Variants in CCR3 observed in about 807,000 individuals in gnomAD.
CCR3 encodes the protein C-C motif chemokine receptor 3.
For missense variants in CCR3, 419 were observed against 437.5 expected (o/e 0.96, Z 0.38); for synonymous variants, 203 against 179.2 (o/e 1.13, Z -1.06).
chr3:46,226,382 A>G (rs575433645), intron 2 of CCR3, among the ~76,000 whole-genome samples: 1 of 152,314 alleles, frequency 6.6e-6, no homozygotes, highest in East Asian at 1.9e-4. Context: ...AGTTTTCAGC[A>G]TGCAAGTCAT....
At chr3:46,243,890 A>C (rs1279936410) in intron 1 of CCR3, among the ~76,000 whole-genome samples, 1 of 152,228 alleles carries the variant, frequency 6.6e-6, no homozygotes, top group Non-Finnish European at 1.5e-5. Context: ...TCAGTAATGA[A>C]ATAAATGTTA....
intron 1 of CCR3, among the ~76,000 whole-genome samples, chr3:46,249,424 C>T (rs1700262577): frequency 1.3e-5 from 2 of 152,112 alleles, no homozygotes; most frequent in Non-Finnish European, 2.9e-5. Context: ...GCAAGGGAAA[C>T]AGGCTCTTGA....
chr3:46,262,813 C>A (rs1359420021), intron 1 of CCR3, among the ~76,000 whole-genome samples: 1 of 152,146 alleles, frequency 6.6e-6, no homozygotes, highest in East Asian at 1.9e-4. Flanking sequence ...CGCCACCATG[C>A]CTGGCTAATT....
At chr3:46,233,274 A>G (rs4683189) in intron 2 of CCR3, among the ~76,000 whole-genome samples, 86,384 of 152,078 alleles carry the variant, frequency 0.57, 24,665 homozygotes, top group Admixed American at 0.63. Context: ...GAAAAGTGAC[A>G]GTAAACACAA....
intron 1 of CCR3, among the ~76,000 whole-genome samples, chr3:46,250,843 G>A (rs1287288678): frequency 6.6e-6 from 1 of 151,766 alleles, no homozygotes; most frequent in South Asian, 2.1e-4. Flanking sequence ...GCGGGAAGGG[G>A]GGTTGGGGCA....
intron 1 of CCR3, among the ~76,000 whole-genome samples, chr3:46,261,748 C>T (rs945868593): frequency 4.6e-5 from 7 of 152,132 alleles, no homozygotes; most frequent in African/African-American, 7.2e-5. Context: ...CTTGAGAGTT[C>T]CTCGGTTTGT....
chr3:46,226,013 T>C (rs1699890637), intron 2 of CCR3, among the ~76,000 whole-genome samples: 1 of 152,184 alleles, frequency 6.6e-6, no homozygotes, highest in African/African-American at 2.4e-5. Flanking sequence ...TAGTTCTGAG[T>C]TCTCTATTTG....
At chr3:46,220,020 T>C in intron 2 of CCR3, among the ~76,000 whole-genome samples, 1 of 152,192 alleles carries the variant, frequency 6.6e-6, no homozygotes. Flanking sequence ...AGCTTCTGCA[T>C]AGCAAAAGTA....
intron 2 of CCR3, among the ~76,000 whole-genome samples, chr3:46,230,909 C>T (rs778906259): frequency 6.6e-6 from 1 of 151,960 alleles, no homozygotes; most frequent in South Asian, 2.1e-4. Context: ...GATTTTGATC[C>T]GTTTTTTGTT....
chr3:46,244,091 T>C lies in CCR3; in HGVS notation c.-12+1553T>C, dbSNP rs116789267. The stretch of plus-strand genomic sequence containing the variant: ...AAATGCATCAAGAGACTTCGAAATA[T>C]AATTCAATGTAGAAATTGTGATTTG... On this transcript the variant is annotated intron_variant, in intron 1 of 1. Coordinates refer to ENST00000395940, the MANE Select transcript of CCR3 (RefSeq NM_178329.3). 1.4e-3 allele frequency among the ~76,000 whole-genome samples: 213 copies of C among 152,334 alleles called. 1 individual carries two copies. The highest frequency in any genetic ancestry group is 4.8e-3 in the African/African-American group (200 of 41,576).
intron 1 of CCR3, among the ~76,000 whole-genome samples, chr3:46,254,280 G>A (rs375283626): frequency 6.6e-6 from 1 of 152,120 alleles, no homozygotes; most frequent in African/African-American, 2.4e-5. Flanking sequence ...ATTGAGAAAG[G>A]GGAGAATAAA....
chr3:46,213,894 C>G (rs1699744812), intron 2 of CCR3, among the ~76,000 whole-genome samples: 1 of 152,150 alleles, frequency 6.6e-6, no homozygotes, highest in Non-Finnish European at 1.5e-5. Flanking sequence ...AATCCATGAG[C>G]CATCATTACA....
Position 46,266,092 on chromosome 3 carries a change from C to A in CCR3, c.934C>A (p.Leu312Met). ...TGTTGGAGAGAGGTTCCGGAAGTACCTGCGCCACTTCTTCCACAGGCACTT... is the reference window on the plus strand; with the variant it reads ...TGTTGGAGAGAGGTTCCGGAAGTACATGCGCCACTTCTTCCACAGGCACTT... ...AFVGERFRKY[L>M]RHFFHRHLLM... Residue 312 changes from leucine to methionine, a missense_variant, in exon 2 of 2, where the codon CTG becomes ATG. Physicochemically the swap from Leu to Met is conservative, Grantham distance 15. Transcript: ENST00000395940. 1 of 1,614,012 alleles carries A rather than the reference C, an allele frequency of 6.2e-7. No individual in the cohort carries two copies. Among genetic ancestry groups the A allele is most frequent in the Non-Finnish European group, 8.5e-7 (1 of 1,179,980 alleles).
intron 2 of CCR3, among the ~76,000 whole-genome samples, chr3:46,219,103 T>A (rs965792290): frequency 1.2e-4 from 19 of 152,292 alleles, no homozygotes; most frequent in Middle Eastern, 6.8e-3. Flanking sequence ...AAAAAGCTCC[T>A]AGATCTGATA....
chr3:46,265,696 G>A lies in CCR3; in HGVS notation c.538G>A (p.Glu180Lys), dbSNP rs267599842. ...IFYETEELFEETLCSALYPED... is the reference protein window; with the variant it reads ...IFYETEELFEKTLCSALYPED... ...CTATGAGACTGAAGAGTTGTTTGAAGAGACTCTTTGCAGTGCTCTTTACCC... is the reference window on the plus strand; with the variant it reads ...CTATGAGACTGAAGAGTTGTTTGAAAAGACTCTTTGCAGTGCTCTTTACCC... The change falls in exon 2 of 2, where the codon GAG becomes AAG. Residue 180 changes from glutamate to lysine, a missense_variant. By Grantham distance (56) the Glu-to-Lys change is moderately conservative. Coordinates refer to ENST00000395940, the MANE Select transcript of CCR3 (RefSeq NM_178329.3). 2 of 1,614,062 alleles carry A rather than the reference G, an allele frequency of 1.2e-6. No homozygotes were observed. Among genetic ancestry groups the A allele is most frequent in the Non-Finnish European group, 1.7e-6 (2 of 1,179,994 alleles).
At chr3:46,215,045 G>A (rs946396460) in intron 2 of CCR3, among the ~76,000 whole-genome samples, 7 of 152,110 alleles carry the variant, frequency 4.6e-5, no homozygotes, top group Admixed American at 1.3e-4. Context: ...TCGCAAGAAT[G>A]GGGCAGTGGC....
chr3:46,253,060 A>G (rs1700348209), intron 1 of CCR3, among the ~76,000 whole-genome samples: 1 of 152,002 alleles, frequency 6.6e-6, no homozygotes, highest in African/African-American at 2.4e-5. Context: ...CTCTGATTTA[A>G]TTGTTCAGGG....
At chr3:46,242,411 C>A (rs184254690), upstream of CCR3, 1 of 152,158 alleles carries the variant, frequency 6.6e-6, no homozygotes, top group Non-Finnish European at 1.5e-5. Flanking sequence ...GGAGTGGTGA[C>A]GCCTAAGCTA....
At chr3:46,254,941 T>C (rs1396877356) in intron 1 of CCR3, among the ~76,000 whole-genome samples, 1 of 152,216 alleles carries the variant, frequency 6.6e-6, no homozygotes, top group African/African-American at 2.4e-5. Context: ...ATGGATCAAA[T>C]GATAGATCGA....
Sources: allele counts gnomAD v4.1 joint callset (sites outside exome capture counted in the v4.1 genomes callset), GRCh38; gene constraint gnomAD v4.1.1; transcripts MANE v1.5; gene names NCBI Gene and HGNC (gene_info 2026-07-23, HGNC 2026-07-21).